The following DLG2 variants were observed in gnomAD, a reference collection of about 807,000 sequenced individuals.
DLG2 encodes discs large MAGUK scaffold protein 2.
In DLG2, 45 loss-of-function variants were observed where a neutral mutation model predicts 132.5. The ratio of observed to expected loss-of-function variants is 0.34; its 90% CI spans 0.27 to 0.44. DLG2 has a LOEUF of 0.44. DLG2 is among the 20% of genes least tolerant of loss of function. DLG2 has a pLI of 1.00. For synonymous variants in DLG2, 424 were observed against 419.6 expected (o/e 1.01, Z -0.13); for missense variants, 1,045 against 1,196.9 (o/e 0.87, Z 1.87).
chr11:83,819,977 T>C (rs1042312994), intron 17 of DLG2, among the ~76,000 whole-genome samples: 1 of 152,192 alleles, frequency 6.6e-6, no homozygotes, highest in Non-Finnish European at 1.5e-5. Context: ...TCACAAATGT[T>C]ACTTTCAGGT....
chr11:84,884,855 G>C (rs968732044), intron 6 of DLG2, among the ~76,000 whole-genome samples: 1 of 152,066 alleles, frequency 6.6e-6, no homozygotes, highest in Non-Finnish European at 1.5e-5. Flanking sequence ...TACATTGTGT[G>C]CCTTTTGAGT....
intron 6 of DLG2, chr11:85,021,742 C>T (rs901593603): frequency 7.7e-6 from 5 of 652,848 alleles, no homozygotes; most frequent in Non-Finnish European, 1.1e-5. Flanking sequence ...AGAAGAGATT[C>T]GATTCTGAGT....
intron 21 of DLG2, among the ~76,000 whole-genome samples, chr11:83,530,410 CT>C (rs926128009): frequency 9.2e-4 from 137 of 148,832 alleles, no homozygotes; most frequent in African/African-American, 2.1e-3. Flanking sequence ...GAAATTATAG[CT>C]TTTTTTTTTC....
At chr11:84,643,421 C>G (rs1345225068) in intron 6 of DLG2, among the ~76,000 whole-genome samples, 1 of 152,188 alleles carries the variant, frequency 6.6e-6, no homozygotes, top group Non-Finnish European at 1.5e-5. Flanking sequence ...GATGACCCAG[C>G]TCTTTATTTC....
intron 18 of DLG2, among the ~76,000 whole-genome samples, chr11:83,735,252 T>A (rs1446847552): frequency 6.6e-6 from 1 of 152,122 alleles, no homozygotes; most frequent in Non-Finnish European, 1.5e-5. Flanking sequence ...TAACCAGCAC[T>A]GAGTGAATTG....
intron 6 of DLG2, among the ~76,000 whole-genome samples, chr11:84,781,991 G>A (rs1168286219): frequency 1.3e-5 from 2 of 152,060 alleles, no homozygotes; most frequent in Non-Finnish European, 1.5e-5. Flanking sequence ...CCAAGTCATC[G>A]ATCTCTAGCC....
chr11:84,844,135 G>GTGTGTATATA (rs1227140689), intron 6 of DLG2, among the ~76,000 whole-genome samples: 2 of 43,700 alleles, frequency 4.6e-5, no homozygotes, highest in South Asian at 8.3e-4. Flanking sequence ...GTGTGTGTGT[G>GTGTGTATATA]TATATATATA....
chr11:84,788,991 T>G (rs74440609), intron 6 of DLG2, among the ~76,000 whole-genome samples: 7,397 of 152,206 alleles, frequency 0.049, 250 homozygotes, highest in Non-Finnish European at 0.078. Flanking sequence ...CCAGAATGAA[T>G]TCATCCCTAT....
At chr11:83,649,537 C>G (rs980746265) in intron 18 of DLG2, among the ~76,000 whole-genome samples, 72 of 152,150 alleles carry the variant, frequency 4.7e-4, no homozygotes, top group African/African-American at 1.5e-3. Flanking sequence ...ATAACCAGGA[C>G]AAACTCAGTA....
At chr11:84,672,641 G>T (rs1007544969) in intron 6 of DLG2, among the ~76,000 whole-genome samples, 1 of 152,006 alleles carries the variant, frequency 6.6e-6, no homozygotes, top group Admixed American at 6.6e-5. Context: ...CTAGAAAAGC[G>T]CCTTAAAATG....
chr11:84,867,893 T>C (rs1214778677), intron 6 of DLG2, among the ~76,000 whole-genome samples: 1 of 151,986 alleles, frequency 6.6e-6, no homozygotes, highest in Non-Finnish European at 1.5e-5. Flanking sequence ...GCCAACACGG[T>C]GAAACCCCAT....
chr11:83,757,184 G>C lies in DLG2; in HGVS notation c.1825+29506C>G, dbSNP rs188842744. On this transcript the variant is annotated intron_variant, in intron 18 of 27. Coordinates refer to ENST00000376104, the MANE Select transcript of DLG2 (RefSeq NM_001142699.3). ...ATGAAGAAAAATGAGGCTCAGAAAG[G>C]CTAAACAACTTTCCCAAGGTCAGCA... Among the ~76,000 whole-genome samples the C allele has an allele frequency of 6.6e-5, 10 of 152,258 alleles. No homozygotes were observed. The East Asian group carries it at 1.5e-3, about 24-fold the overall frequency.
chr11:84,538,328 G>T (rs2099360298), intron 6 of DLG2, among the ~76,000 whole-genome samples: 1 of 152,210 alleles, frequency 6.6e-6, no homozygotes, highest in African/African-American at 2.4e-5. Flanking sequence ...AGATGCTATT[G>T]TGTCCCCATC....
rs60618412 is a variant in DLG2, at chr11:84,686,630, G to GTT, written c.358-151901_358-151900dup. 7.1e-3 allele frequency among the ~76,000 whole-genome samples: 812 copies of GTT among 113,726 alleles called. 14 individuals are homozygous for GTT. Among genetic ancestry groups the GTT allele is most frequent in the African/African-American group, 0.024 (706 of 29,656 alleles). The allele number at this position is 113,726 out of a possible 152,430, so 74.6% of individuals were successfully genotyped here. On this transcript the variant is annotated intron_variant, in intron 6 of 27. Transcript: ENST00000376104. ...CCAAATTCTTTCAACTGGCCTTGAG[G>GTT]TTTTTTTTTTTTTTTTTTTTTTATG...
intron 3 of DLG2, among the ~76,000 whole-genome samples, chr11:85,350,623 G>A (rs142113163): frequency 0.02 from 3,110 of 152,062 alleles, 36 homozygotes; most frequent in African/African-American, 0.029. Context: ...AGCTTTCTAC[G>A]TATGGCTAGC....
chr11:84,535,567 T>C (rs2099353451), intron 6 of DLG2, among the ~76,000 whole-genome samples: 1 of 152,124 alleles, frequency 6.6e-6, no homozygotes, highest in Non-Finnish European at 1.5e-5. Context: ...AAAAAAAAGG[T>C]TCAGGGTTAG....
chr11:84,205,811 C>T (rs11233945), intron 8 of DLG2, among the ~76,000 whole-genome samples: 2 of 151,822 alleles, frequency 1.3e-5, no homozygotes, highest in South Asian at 4.2e-4. Context: ...ATGGTATATT[C>T]AAAGTAACTA....
chr11:84,851,296 T>C (rs987735641), intron 6 of DLG2, among the ~76,000 whole-genome samples: 3 of 152,118 alleles, frequency 2.0e-5, no homozygotes, highest in Non-Finnish European at 4.4e-5. Context: ...GAGAGTTTCA[T>C]GCATATTGTT....
chr11:84,714,623 T>TCTCTCTCTCTC (rs2060950060), intron 6 of DLG2, among the ~76,000 whole-genome samples: 1 of 104,992 alleles, frequency 9.5e-6, no homozygotes, highest in African/African-American at 4.3e-5. Context: ...CTCTTTCTCT[T>TCTCTCTCTCTC]TCTCTCTCTC....
Sources: gnomAD v4.1 joint callset for allele counts (sites outside exome capture counted in the v4.1 genomes callset) on GRCh38, gnomAD v4.1.1 for gene constraint, MANE v1.5 for transcripts, NCBI Gene and HGNC (gene_info 2026-07-23, HGNC 2026-07-21) for gene names.